SCGB2B2: variants seen among roughly 807,000 people sequenced by gnomAD.
The protein encoded by SCGB2B2 is secretoglobin-like protein.
Under a neutral mutation model 7.6 loss-of-function variants are expected in SCGB2B2, and 11 were observed. The observed-to-expected ratio is 1.45, with a 90% CI of 0.91 to 2.40. The LOEUF is 2.40. Ranked by LOEUF, SCGB2B2 falls within the 30% of genes most tolerant of loss-of-function variation. The pLI, the probability that SCGB2B2 is intolerant of heterozygous loss-of-function variation, is 0.00. For synonymous variants in SCGB2B2, 50 were observed against 48.6 expected, an observed-to-expected ratio of 1.03 and a Z score of -0.12; for missense variants, 104 against 115.4, an observed-to-expected ratio of 0.90 and a Z score of 0.45.
At chr19:34,602,864 G>A (rs752279444) in intron 1 of SCGB2B2, among the ~76,000 whole-genome samples, 1 of 152,024 alleles carries the variant, frequency 6.6e-6, no homozygotes, top group Non-Finnish European at 1.5e-5. Context: ...ACTCTCCTCA[G>A]GTGTCCCATG....
intron 1 of SCGB2B2, among the ~76,000 whole-genome samples, chr19:34,662,800 A>C (rs1204900340): frequency 6.6e-6 from 1 of 152,086 alleles, no homozygotes; most frequent in Non-Finnish European, 1.5e-5. Flanking sequence ...GCACAGTGGT[A>C]TGTGCCTGTA....
rs1600075857 is a variant in SCGB2B2 at position 34,675,682 on chromosome 19, TG to T, written c.-2085del. 2 of 152,638 alleles carry T rather than the reference TG, an allele frequency of 1.3e-5. No homozygotes were observed. The highest frequency in any genetic ancestry group is 4.8e-5 in the African/African-American group (2 of 41,446). The allele number at this position is 152,638 out of a possible 1,614,324, so 9.5% of individuals were successfully genotyped here. On this transcript the variant is annotated 5_prime_UTR_variant, in exon 1 of 4. Transcript: ENST00000601241. ...TGTGTCCGGAATTGGTTCCTTCTGGTGGGTTCCTGGTCTGGCTGGCTTCAGG... is the reference window on the plus strand; with the variant it reads ...TGTGTCCGGAATTGGTTCCTTCTGGTGGTTCCTGGTCTGGCTGGCTTCAGG...
At chr19:34,603,626 T>C (rs767923695) in intron 1 of SCGB2B2, among the ~76,000 whole-genome samples, 19 of 152,130 alleles carry the variant, frequency 1.2e-4, no homozygotes, top group Middle Eastern at 3.2e-3. Context: ...GGATTAATTA[T>C]AGGGAGAGAG....
intron 1 of SCGB2B2, among the ~76,000 whole-genome samples, chr19:34,671,229 A>G (rs1053826075): frequency 6.6e-6 from 1 of 152,196 alleles, no homozygotes; most frequent in Non-Finnish European, 1.5e-5. Flanking sequence ...TTGTTTTAAT[A>G]TGGATGTCCA....
At chr19:34,667,031 C>T (rs1417762763) in intron 1 of SCGB2B2, among the ~76,000 whole-genome samples, 1 of 152,132 alleles carries the variant, frequency 6.6e-6, no homozygotes, top group Non-Finnish European at 1.5e-5. Flanking sequence ...GTGACCAACA[C>T]CACGACCCCC....
intron 1 of SCGB2B2, among the ~76,000 whole-genome samples, chr19:34,674,730 T>A (rs889835606): frequency 6.6e-6 from 1 of 152,180 alleles, no homozygotes; most frequent in African/African-American, 2.4e-5. Context: ...AGGAAGAGTT[T>A]GCTGATTACC....
intron 1 of SCGB2B2, among the ~76,000 whole-genome samples, chr19:34,628,807 A>G (rs1217833499): frequency 6.6e-6 from 1 of 151,936 alleles, no homozygotes; most frequent in Non-Finnish European, 1.5e-5. Flanking sequence ...TGGCAGAGAC[A>G]CAACAACAAA....
intron 1 of SCGB2B2, among the ~76,000 whole-genome samples, chr19:34,673,904 C>T (rs543185801): frequency 2.0e-4 from 31 of 152,330 alleles, no homozygotes; most frequent in Non-Finnish European, 3.7e-4. Flanking sequence ...CTCTGGCTCT[C>T]TTATACTCCT....
chr19:34,605,874 G>A (rs1314020230), intron 1 of SCGB2B2, among the ~76,000 whole-genome samples: 1 of 152,062 alleles, frequency 6.6e-6, no homozygotes, highest in South Asian at 2.1e-4. Context: ...GATTACAGGC[G>A]TGAGCCACTG....
chr19:34,659,845 A>G lies in SCGB2B2; in HGVS notation c.-2032+15785T>C, dbSNP rs570557510. The stretch of plus-strand genomic sequence containing the variant: ...TGCATAGCCAGGAAAATCCTAAATA[A>G]AAAGAACAAAGATGGAGGCATCATG... On this transcript the variant is annotated intron_variant, in intron 1 of 3. Coordinates refer to ENST00000601241, the MANE Select transcript of SCGB2B2 (RefSeq NM_001025591.4). 2.6e-4 allele frequency among the ~76,000 whole-genome samples: 39 copies of G among 152,332 alleles called. No homozygotes were observed. The South Asian group carries it at 6.0e-3, about 23-fold the overall frequency.
chr19:34,661,629 C>G (rs1184134744), intron 1 of SCGB2B2, among the ~76,000 whole-genome samples: 1 of 152,066 alleles, frequency 6.6e-6, no homozygotes, highest in Non-Finnish European at 1.5e-5. Context: ...AATAGGGAAC[C>G]CAGAAGCAAA....
intron 1 of SCGB2B2, among the ~76,000 whole-genome samples, chr19:34,650,353 C>G (rs2067131712): frequency 6.6e-6 from 1 of 151,328 alleles, no homozygotes; most frequent in Non-Finnish European, 1.5e-5. Flanking sequence ...CTGGCTGAGC[C>G]TGACTCATAC....
chr19:34,647,588 CCTTCA>C (rs1185625842), intron 1 of SCGB2B2, among the ~76,000 whole-genome samples: 1 of 152,140 alleles, frequency 6.6e-6, no homozygotes, highest in Admixed American at 6.5e-5. Context: ...CCCAGAATTG[CCTTCA>C]CTTAACACAC....
intron 1 of SCGB2B2, among the ~76,000 whole-genome samples, chr19:34,667,274 T>C (rs1264271508): frequency 6.6e-6 from 1 of 151,594 alleles, no homozygotes; most frequent in Non-Finnish European, 1.5e-5. Flanking sequence ...CCCCATCCTA[T>C]CCCTCCTTCC....
intron 1 of SCGB2B2, among the ~76,000 whole-genome samples, chr19:34,610,895 G>A (rs982484212): frequency 1.3e-5 from 2 of 151,826 alleles, no homozygotes; most frequent in South Asian, 2.1e-4. Context: ...AGAAGAACTG[G>A]TATCAGTTCT....
intron 1 of SCGB2B2, among the ~76,000 whole-genome samples, chr19:34,615,470 C>T (rs1397950565): frequency 6.7e-6 from 1 of 149,654 alleles, no homozygotes; most frequent in Non-Finnish European, 1.5e-5. Context: ...TCAATGTAGG[C>T]ATCCTGAGTT....
chr19:34,636,950 A>C lies in SCGB2B2; in HGVS notation c.-2032+38680T>G, dbSNP rs368910785. 2.6e-5 allele frequency among the ~76,000 whole-genome samples: 4 copies of C among 152,166 alleles called. No individual in the cohort carries two copies. The East Asian group carries it at 7.7e-4, about 29-fold the overall frequency. ...AAGATGCAAGGCCTAAGGGAAAGAC[A>C]CGACAGGTGAGTGGACAGCAGGAGC... On this transcript the variant is annotated intron_variant, in intron 1 of 3. Transcript: ENST00000601241.
intron 1 of SCGB2B2, among the ~76,000 whole-genome samples, chr19:34,666,899 C>T (rs946037430): frequency 2.0e-5 from 3 of 151,978 alleles, no homozygotes; most frequent in Non-Finnish European, 2.9e-5. Context: ...AAACTATGCC[C>T]GCAGCTCGTG....
chr19:34,619,217 G>A (rs6510437), intron 1 of SCGB2B2, among the ~76,000 whole-genome samples: 3,433 of 152,122 alleles, frequency 0.023, 141 homozygotes, highest in African/African-American at 0.079. Flanking sequence ...AGACAAAAAC[G>A]GAGATCCAAG....
Sources: allele counts gnomAD v4.1 joint callset (sites outside exome capture counted in the v4.1 genomes callset), GRCh38; gene constraint gnomAD v4.1.1; transcripts MANE v1.5; gene names NCBI Gene and HGNC (gene_info 2026-07-23, HGNC 2026-07-21).